The following ADGRG6 variants were observed in gnomAD, a reference collection of about 807,000 sequenced individuals.
ADGRG6 encodes G-protein coupled receptor 126.
Under a neutral mutation model 142.4 loss-of-function variants are expected in ADGRG6, and 84 were observed. The observed-to-expected ratio is 0.59, with a 90% CI of 0.49 to 0.71. The LOEUF (loss-of-function observed/expected upper bound fraction) is 0.71, where lower values mean the gene tolerates loss of function less well. Among genes scored for constraint, ADGRG6 ranks in the 30% least tolerant of loss-of-function variants. The pLI is 0.00. For synonymous variants in ADGRG6, 521 were observed against 520.5 expected (o/e 1.00, Z -0.01); for missense variants, 1,367 against 1,466.6 (o/e 0.93, Z 1.11).
intron 5 of ADGRG6, among the ~76,000 whole-genome samples, chr6:142,382,559 T>C (rs1249996499): frequency 6.6e-6 from 1 of 152,224 alleles, no homozygotes; most frequent in African/African-American, 2.4e-5. Context: ...TGGTCAGTAT[T>C]TCAGTTACAT....
intron 1 of ADGRG6, among the ~76,000 whole-genome samples, chr6:142,306,012 T>A (rs1336155359): frequency 1.3e-5 from 2 of 152,216 alleles, no homozygotes; most frequent in Non-Finnish European, 2.9e-5. Flanking sequence ...CTTTTCACTC[T>A]GGAAGAATTA....
rs1367153340 is a variant in ADGRG6 at position 142,302,052 on chromosome 6, T to C, written c.-278T>C. ...CCCACGCACACCCTACTTCCTCAGC[T>C]TCTCGCCCTCACCCTGCCAACTTCC... On this transcript the variant is annotated 5_prime_UTR_variant, in exon 1 of 25. Transcript: ENST00000367609. The C allele has an allele frequency of 5.7e-6, 3 of 525,414 alleles. No individual in the cohort carries two copies. Among genetic ancestry groups the C allele is most frequent in the African/African-American group, 2.0e-5 (1 of 51,146 alleles). The allele number at this position is 525,414 out of a possible 1,614,324, so 32.5% of individuals were successfully genotyped here.
chr6:142,402,523 A>G, intron 12 of ADGRG6, 97 bp from the exon 13 acceptor site: 3 of 662,358 alleles, frequency 4.5e-6, no homozygotes, highest in Non-Finnish European at 7.9e-6. Flanking sequence ...TCTTGCTTCA[A>G]CTGTAAAGTG....
chr6:142,387,310 A>G (rs1782079988), intron 6 of ADGRG6, among the ~76,000 whole-genome samples: 1 of 152,206 alleles, frequency 6.6e-6, no homozygotes, highest in African/African-American at 2.4e-5. Context: ...CAAGTAAGGA[A>G]TTAACTCCAT....
intron 2 of ADGRG6, among the ~76,000 whole-genome samples, chr6:142,364,515 T>C (rs1190657595): frequency 6.6e-6 from 1 of 152,200 alleles, no homozygotes; most frequent in African/African-American, 2.4e-5. Context: ...TAATTATTAA[T>C]AATAGCCAAC....
At chr6:142,312,103 T>C (rs950519279) in intron 2 of ADGRG6, among the ~76,000 whole-genome samples, 4 of 152,070 alleles carry the variant, frequency 2.6e-5, no homozygotes, top group African/African-American at 9.7e-5. Flanking sequence ...TATCATATTC[T>C]TAGTGATAAT....
At position 142,370,255 on chromosome 6, in the gene ADGRG6, T is replaced by G. The variant is rs1366041784; in HGVS notation, c.531T>G (p.Ile177Met). 1.2e-6 allele frequency: 2 copies of G among 1,613,572 alleles called. No homozygotes were observed. The highest frequency in any genetic ancestry group is 1.7e-6 in the Non-Finnish European group (2 of 1,179,550). ...YQVSVAKSIS[I>M]PELSAFTLCF... The stretch of plus-strand genomic sequence containing the variant: ...TATCTGTTGCAAAAAGCATCTCTAT[T>G]CCAGAGCTCAGTGCTTTCACACTCT... The change falls in exon 4 of 25, where the codon ATT becomes ATG. Residue 177 changes from isoleucine to methionine, a missense_variant. Ile to Met is a conservative substitution (Grantham distance 10). Around this residue, in one of 3 missense-constraint regions of ADGRG6, gnomAD observed 737 missense variants for 746.5 expected, o/e 0.99. Coordinates refer to ENST00000367609, the MANE Select transcript of ADGRG6 (RefSeq NM_198569.3).
chr6:142,339,466 C>T (rs921314062), intron 2 of ADGRG6, among the ~76,000 whole-genome samples: 6 of 152,204 alleles, frequency 3.9e-5, no homozygotes, highest in Admixed American at 2.0e-4. Flanking sequence ...CCTCCTTCCC[C>T]TCCCAGATGT....
chr6:142,415,433 C>CT lies in ADGRG6; in HGVS notation c.2669+341dup, dbSNP rs1424145085. 4.6e-5 allele frequency among the ~76,000 whole-genome samples: 7 copies of CT among 151,724 alleles called. No individual in the cohort carries two copies. The East Asian group carries it at 1.4e-3, about 29-fold the overall frequency. On this transcript the variant is annotated intron_variant, in intron 19 of 24. Transcript: ENST00000367609. ...GTCCTGAAACAATTTTTTTAAGATC[C>CT]TTTTAACTCATTAAAAATCAAAAAG...
chr6:142,379,670 G>A (rs1476527166), intron 4 of ADGRG6, among the ~76,000 whole-genome samples: 1 of 152,174 alleles, frequency 6.6e-6, no homozygotes, highest in Non-Finnish European at 1.5e-5. Flanking sequence ...GGGAGGCTGA[G>A]GCAGGAGAAT....
intron 22 of ADGRG6, among the ~76,000 whole-genome samples, chr6:142,432,608 C>T (rs1777264634): frequency 1.3e-5 from 2 of 152,068 alleles, no homozygotes; most frequent in Non-Finnish European, 2.9e-5. Flanking sequence ...TATTTACAGA[C>T]CACAATGGTT....
At chr6:142,314,020 T>C (rs1485134691) in intron 2 of ADGRG6, among the ~76,000 whole-genome samples, 1 of 152,224 alleles carries the variant, frequency 6.6e-6, no homozygotes, top group African/African-American at 2.4e-5. Context: ...AGAATCAAAG[T>C]GCTCCAAATT....
At chr6:142,372,258 G>A (rs1402069028) in intron 4 of ADGRG6, among the ~76,000 whole-genome samples, 1 of 152,140 alleles carries the variant, frequency 6.6e-6, no homozygotes, top group Non-Finnish European at 1.5e-5. Context: ...AATGTCATAT[G>A]ACTAAATCTA....
At chr6:142,349,926 G>A (rs375969614) in intron 2 of ADGRG6, among the ~76,000 whole-genome samples, 6 of 152,152 alleles carry the variant, frequency 3.9e-5, no homozygotes, top group African/African-American at 1.4e-4. Flanking sequence ...TCCTTTGATT[G>A]TGGAGAAAAT....
chr6:142,312,714 T>C (rs1476036398), intron 2 of ADGRG6, among the ~76,000 whole-genome samples: 1 of 151,988 alleles, frequency 6.6e-6, no homozygotes, highest in African/African-American at 2.4e-5. Flanking sequence ...ATATACCCTA[T>C]AAAATAAAAA....
intron 2 of ADGRG6, among the ~76,000 whole-genome samples, chr6:142,319,757 G>A (rs1778425780): frequency 6.6e-6 from 1 of 151,976 alleles, no homozygotes; most frequent in Non-Finnish European, 1.5e-5. Flanking sequence ...TTTATTCTCT[G>A]TCCACTATGT....
chr6:142,305,003 A>G (rs1777413560), intron 1 of ADGRG6, among the ~76,000 whole-genome samples: 8 of 152,220 alleles, frequency 5.3e-5, no homozygotes. Context: ...ATTTATTTAA[A>G]ACAGAGCAAA....
At chr6:142,404,150 T>C in intron 14 of ADGRG6, 177 bp downstream of exon 14, 1 of 587,484 alleles carries the variant, frequency 1.7e-6, no homozygotes, top group Admixed American at 3.3e-5. Context: ...TCAGAGTGGG[T>C]ATGCTTTCAT....
chr6:142,396,682 CT>C (rs1775213631), intron 9 of ADGRG6, among the ~76,000 whole-genome samples: 1 of 152,108 alleles, frequency 6.6e-6, no homozygotes, highest in Admixed American at 6.5e-5. Context: ...AATATAACGT[CT>C]TATCTTATTC....
Sources: gnomAD v4.1 joint callset for allele counts (sites outside exome capture counted in the v4.1 genomes callset) on GRCh38, gnomAD v4.1.1 for gene constraint, gnomAD v4.1.1 regional missense constraint, MANE v1.5 for transcripts, NCBI Gene and HGNC (gene_info 2026-07-23, HGNC 2026-07-21) for gene names.